Variants in DSC1 observed in about 807,000 individuals in gnomAD.
DSC1 encodes desmocollin-1.
DSC1 carries 79 observed loss-of-function variants against 98.8 expected under a neutral mutation model. That is an observed-to-expected ratio of 0.80 (90% CI 0.67 to 0.96). The LOEUF (loss-of-function observed/expected upper bound fraction) is 0.96, where lower values mean the gene tolerates loss of function less well. Among genes scored for constraint, DSC1 ranks in the 50% least tolerant of loss-of-function variants. The pLI is 0.00. For synonymous variants in DSC1, 405 were observed against 372.1 expected (o/e 1.09, Z -1.02); for missense variants, 1,115 against 1,075.9 (o/e 1.04, Z -0.51).
At chr18:31,155,030 A>C in intron 4 of DSC1, 101 bp from the exon 5 acceptor site, 1 of 1,320,418 alleles carries the variant, frequency 7.6e-7, no homozygotes, top group Non-Finnish European at 1.0e-6. Flanking sequence ...CCTCTTTCCT[A>C]CTCTCCTATT....
At position 31,145,606 on chromosome 18, in the gene DSC1, A is replaced by G; in HGVS notation, c.939+5T>C. On this transcript the variant is annotated splice_donor_5th_base_variant and intron_variant, in intron 7 of 15. Transcript: ENST00000257198. The stretch of plus-strand genomic sequence containing the variant: ...ATGACTAGATAGTTAATTAATCATC[A>G]TTACTTCTCTATCCAGAAAAGGTGT... 1 of 1,613,776 alleles carries G rather than the reference A, an allele frequency of 6.2e-7. No homozygotes were observed. Among genetic ancestry groups the G allele is most frequent in the Non-Finnish European group, 8.5e-7 (1 of 1,179,788 alleles).
intron 6 of DSC1, among the ~76,000 whole-genome samples, chr18:31,146,873 T>C (rs1988857082): frequency 6.6e-6 from 1 of 152,230 alleles, no homozygotes; most frequent in Non-Finnish European, 1.5e-5. Flanking sequence ...TATTAATGTA[T>C]ACAAATAACT....
chr18:31,142,743 C>T (rs529258705), intron 8 of DSC1, among the ~76,000 whole-genome samples: 1 of 152,000 alleles, frequency 6.6e-6, no homozygotes, highest in East Asian at 1.9e-4. Context: ...ATATTAAAGA[C>T]TAAAAGAAGT....
Position 31,139,891 on chromosome 18 carries a change from C to G in DSC1, c.1521-1G>C. On this transcript the variant is annotated splice_acceptor_variant, in intron 10 of 15. Transcript: ENST00000257198. LOFTEE classifies it high-confidence loss of function. ...ATCTTCATCCCCTAACTTCTGATAC[C>G]TAATTTTTAGAAATCAAATATGAAC... The G allele has an allele frequency of 1.3e-6, 2 of 1,593,316 alleles. No individual in the cohort carries two copies. Among genetic ancestry groups the G allele is most frequent in the Non-Finnish European group, 1.7e-6 (2 of 1,174,174 alleles).
chr18:31,155,819 A>T (rs534756512), intron 4 of DSC1, among the ~76,000 whole-genome samples: 2 of 152,268 alleles, frequency 1.3e-5, no homozygotes, highest in East Asian at 3.9e-4. Context: ...AGCACCAGAA[A>T]CTCCAAATAT....
rs778060935 is a variant in DSC1 at position 31,159,511 on chromosome 18, C to T, written c.82G>A (p.Asp28Asn). Residue 28 changes from aspartate (D) to asparagine (N), a missense_variant, in exon 2 of 16, where the codon GAT (aspartate) becomes AAT (asparagine). Coordinates refer to ENST00000257198, the MANE Select transcript of DSC1 (RefSeq NM_024421.2). ...CGAAGATAAACTTTCTGACAAGCAT[C>T]GCAAAGTAATGTTAAAACCTCAAAA... ...FSLLVLTLLC[D>N]ACQKVYLRVP... is the part of the protein sequence containing the mutation. 6.9e-6 allele frequency: 11 copies of T among 1,595,806 alleles called. No individual in the cohort carries two copies. Among genetic ancestry groups the T allele is most frequent in the Admixed American group, 5.2e-5 (3 of 57,746 alleles).
Position 31,162,579 on chromosome 18 carries a change from C to G in DSC1, c.16G>C (p.Ala6Pro), listed in dbSNP as rs897479429. The G allele has an allele frequency of 3.1e-6, 5 of 1,614,110 alleles. No homozygotes were observed. The highest frequency in any genetic ancestry group is 4.2e-6 in the Non-Finnish European group (5 of 1,180,016). Reference sequence around the variant, plus strand: ...TTACAGAAGATGCTCCCTGGGGCAGCAGAGGCCAGAGCCATCAGAAGCAGT... The same window carrying G: ...TTACAGAAGATGCTCCCTGGGGCAGGAGAGGCCAGAGCCATCAGAAGCAGT... MALAS[A>P]APGSIFCKQL... The change falls in exon 1 of 16, where the codon GCT becomes CCT. Residue 6 changes from alanine to proline, a missense_variant. Ala to Pro is a conservative substitution (Grantham distance 27). Transcript: ENST00000257198.
At chr18:31,153,144 G>A (rs1989032864) in intron 5 of DSC1, among the ~76,000 whole-genome samples, 1 of 151,888 alleles carries the variant, frequency 6.6e-6, no homozygotes, top group Admixed American at 6.6e-5. Context: ...TTTTCCCTCT[G>A]GCAATGATCA....
At chr18:31,136,569 G>GA (rs1247153467) in intron 11 of DSC1, among the ~76,000 whole-genome samples, 1 of 152,182 alleles carries the variant, frequency 6.6e-6, no homozygotes, top group Non-Finnish European at 1.5e-5. Context: ...ACAAAGCTGA[G>GA]AAGGTCTTAG....
intron 10 of DSC1, 54 bp downstream of exon 10, chr18:31,139,988 A>C (rs1200068880): frequency 6.4e-7 from 1 of 1,573,172 alleles, no homozygotes. Context: ...TCATAACTTT[A>C]AAAACAATTT....
chr18:31,146,626 T>C (rs1313612602), intron 6 of DSC1, among the ~76,000 whole-genome samples: 2 of 152,158 alleles, frequency 1.3e-5, no homozygotes, highest in Non-Finnish European at 2.9e-5. Flanking sequence ...CTGGCTCAAA[T>C]AGTAGCTCTG....
At chr18:31,133,328 T>C (rs1239999264) in intron 13 of DSC1, among the ~76,000 whole-genome samples, 1 of 152,132 alleles carries the variant, frequency 6.6e-6, no homozygotes, top group Non-Finnish European at 1.5e-5. Flanking sequence ...CTTTTGTACC[T>C]CCAAATAACA....
At chr18:31,139,655 T>C in intron 11 of DSC1, 93 bp downstream of exon 11, 1 of 1,266,050 alleles carries the variant, frequency 7.9e-7, no homozygotes, top group Non-Finnish European at 1.1e-6. Flanking sequence ...TTGCTTGAAT[T>C]ATGTTTTGTC....
chr18:31,158,950 T>G (rs772709790), intron 2 of DSC1, among the ~76,000 whole-genome samples: 2 of 151,908 alleles, frequency 1.3e-5, no homozygotes, highest in Admixed American at 1.3e-4. Flanking sequence ...AGTATACAAC[T>G]AACTTTGGTA....
intron 7 of DSC1, among the ~76,000 whole-genome samples, chr18:31,144,862 A>T (rs1465599757): frequency 6.6e-6 from 1 of 151,388 alleles, no homozygotes; most frequent in East Asian, 2.0e-4. Flanking sequence ...GTGGGGCAGG[A>T]TGTTGATAGC....
At position 31,130,384 on chromosome 18, in the gene DSC1, A is replaced by G; in HGVS notation, c.*130T>C. The G allele has an allele frequency of 5.5e-6, 5 of 909,508 alleles. No homozygotes were observed. Among genetic ancestry groups the G allele is most frequent in the Non-Finnish European group, 8.4e-6 (5 of 595,016 alleles). The allele number at this position is 909,508 out of a possible 1,614,324, so 56.3% of individuals were successfully genotyped here. On this transcript the variant is annotated 3_prime_UTR_variant, in exon 16 of 16. Transcript: ENST00000257198. ...GAGAATGTAGGGGAATCTCATATTT[A>G]TAGTACCCTTACCTATACATGACAA... is the stretch of plus-strand genomic sequence containing the variant.
At position 31,130,324 on chromosome 18, in the gene DSC1, GAT is replaced by G; in HGVS notation, c.*188_*189del. ...AAAGAGAATTAACAAACAAAACCTT[GAT>G]TTCTAGAGAACATGGAAGTTATACC... On this transcript the variant is annotated 3_prime_UTR_variant, in exon 16 of 16. Coordinates refer to ENST00000257198, the MANE Select transcript of DSC1 (RefSeq NM_024421.2). The G allele has an allele frequency of 1.5e-6, 1 of 648,778 alleles. No individual in the cohort carries two copies. Among genetic ancestry groups the G allele is most frequent in the Non-Finnish European group, 2.6e-6 (1 of 385,536 alleles). The allele number at this position is 648,778 out of a possible 1,614,324, so 40.2% of individuals were successfully genotyped here. A position where few individuals can be genotyped will look rare whatever the true frequency, so the allele number is the denominator to read the frequency against.
chr18:31,130,759 A>G (rs1295712268), intron 15 of DSC1, 48 bp from the exon 16 acceptor site: 3 of 1,611,880 alleles, frequency 1.9e-6, no homozygotes, highest in East Asian at 2.2e-5. Context: ...AAACACCTAA[A>G]CATATTAGCA....
At position 31,133,996 on chromosome 18, in the gene DSC1, A is replaced by G; in HGVS notation, c.2011T>C (p.Ser671Pro). The change falls in exon 13 of 16, where the codon TCT (serine) becomes CCT (proline). Residue 671 changes from serine to proline, a missense_variant. Coordinates refer to ENST00000257198, the MANE Select transcript of DSC1 (RefSeq NM_024421.2). ...TVRVCDCSTP[S>P]ECRMKDKSTR... ...CTTTTATCCTTCATTCTACACTCAG[A>G]TGGAGTTGAACAGTCACATACTCTC... 6.2e-7 allele frequency: 1 copy of G among 1,613,404 alleles called. No homozygotes were observed. Among genetic ancestry groups the G allele is most frequent in the Non-Finnish European group, 8.5e-7 (1 of 1,179,658 alleles).
Sources: allele counts gnomAD v4.1 joint callset (sites outside exome capture counted in the v4.1 genomes callset), GRCh38; gene constraint gnomAD v4.1.1; transcripts MANE v1.5; gene names NCBI Gene and HGNC (gene_info 2026-07-23, HGNC 2026-07-21).